CARF: variants seen among roughly 807,000 people sequenced by gnomAD.
CARF encodes calcium-responsive transcription factor.
In CARF, 57 loss-of-function variants were observed where a neutral mutation model predicts 82.0. That is an observed-to-expected ratio of 0.70 (90% CI 0.56 to 0.87). CARF has a LOEUF of 0.87. CARF is among the 40% of genes least tolerant of loss of function. The pLI is 0.00. For synonymous variants in CARF, 268 were observed against 290.1 expected, an observed-to-expected ratio of 0.92 and a Z score of 0.77; for missense variants, 771 against 855.8, an observed-to-expected ratio of 0.90 and a Z score of 1.24.
intron 3 of CARF, among the ~76,000 whole-genome samples, chr2:202,935,425 C>G (rs1296929881): frequency 2.7e-5 from 4 of 149,688 alleles, no homozygotes; most frequent in Middle Eastern, 3.5e-3. Flanking sequence ...TCAATTGTAC[C>G]CTTTTCTCTG....
intron 10 of CARF, among the ~76,000 whole-genome samples, chr2:202,968,777 G>A (rs2059657188): frequency 6.6e-6 from 1 of 152,178 alleles, no homozygotes; most frequent in Non-Finnish European, 1.5e-5. Flanking sequence ...CCCAGGGAAC[G>A]GATCAGGAAA....
intron 12 of CARF, among the ~76,000 whole-genome samples, chr2:202,973,868 G>A (rs912511875): frequency 1.3e-4 from 19 of 151,920 alleles, no homozygotes; most frequent in Non-Finnish European, 2.4e-4. Flanking sequence ...CGGGCGGATC[G>A]CGAGGTTAGG....
intron 15 of CARF, 38 bp from the exon 16 acceptor site, chr2:202,982,034 A>G: frequency 6.3e-7 from 1 of 1,593,074 alleles, no homozygotes; most frequent in Non-Finnish European, 8.5e-7. Flanking sequence ...ATACATAGGA[A>G]ATTCAAACAT....
chr2:202,913,728 A>T (rs1452078069), intron 1 of CARF, among the ~76,000 whole-genome samples: 1 of 152,240 alleles, frequency 6.6e-6, no homozygotes, highest in East Asian at 1.9e-4. Flanking sequence ...ACTTACTGGT[A>T]ATATGTCATT....
chr2:202,951,382 A>G (rs2058746611), intron 5 of CARF, among the ~76,000 whole-genome samples: 1 of 152,176 alleles, frequency 6.6e-6, no homozygotes, highest in Non-Finnish European at 1.5e-5. Flanking sequence ...AGCATCAGCA[A>G]TATTTTCATG....
intron 3 of CARF, among the ~76,000 whole-genome samples, chr2:202,935,143 TTATAA>T (rs895578149): frequency 2.8e-5 from 4 of 142,534 alleles, no homozygotes; most frequent in African/African-American, 1.0e-4. Context: ...TATAATATAA[TTATAA>T]TATATACTCC....
intron 9 of CARF, among the ~76,000 whole-genome samples, chr2:202,966,489 T>A (rs114123510): frequency 0.089 from 13,590 of 152,168 alleles, 744 homozygotes; most frequent in Non-Finnish European, 0.12. Context: ...AGGCAGGCGG[T>A]TCACTTGAGT....
intron 13 of CARF, among the ~76,000 whole-genome samples, chr2:202,975,011 C>G (rs914924347): frequency 1.3e-5 from 2 of 151,838 alleles, no homozygotes; most frequent in South Asian, 4.2e-4. Context: ...GAATTCCCAA[C>G]TCCATAATAA....
At chr2:202,918,416 G>T (rs1192000737) in intron 2 of CARF, among the ~76,000 whole-genome samples, 2 of 152,154 alleles carry the variant, frequency 1.3e-5, no homozygotes, top group Non-Finnish European at 2.9e-5. Context: ...AGCTACTCTG[G>T]AGGCTGAGGC....
chr2:202,942,914 G>A lies in CARF; in HGVS notation c.253G>A (p.Gly85Arg). Reference sequence around the variant, plus strand: ...GCAATTCCATCTAGTGGACCAAAATGGGCAGGCTATTCAATATGAACTTCA... The same window carrying A: ...GCAATTCCATCTAGTGGACCAAAATAGGCAGGCTATTCAATATGAACTTCA... ...AEQFHLVDQN[G>R]QAIQYELQSL... Residue 85 changes from glycine (G) to arginine (R), a missense_variant, in exon 5 of 17, where the codon GGG becomes AGG. By Grantham distance (125) the Gly-to-Arg change is moderately radical (BLOSUM62 -2). Coordinates refer to ENST00000438828, the MANE Select transcript of CARF (RefSeq NM_024744.17). The A allele has an allele frequency of 6.2e-7, 1 of 1,614,004 alleles. No individual in the cohort carries two copies. The highest frequency in any genetic ancestry group is 8.5e-7 in the Non-Finnish European group (1 of 1,179,998).
At chr2:202,921,673 A>T (rs1690820390) in intron 2 of CARF, among the ~76,000 whole-genome samples, 1 of 152,230 alleles carries the variant, frequency 6.6e-6, no homozygotes, top group South Asian at 2.1e-4. Context: ...ATATCTGCTT[A>T]TAAATATATA....
intron 11 of CARF, among the ~76,000 whole-genome samples, chr2:202,970,852 T>C (rs1213122242): frequency 6.6e-6 from 1 of 151,890 alleles, no homozygotes; most frequent in Non-Finnish European, 1.5e-5. Context: ...TCCTACCGTC[T>C]ACTTTTCTTT....
At chr2:202,930,157 C>T (rs1006311683) in intron 3 of CARF, among the ~76,000 whole-genome samples, 3 of 152,166 alleles carry the variant, frequency 2.0e-5, no homozygotes, top group African/African-American at 7.2e-5. Context: ...AAGCGATTCT[C>T]ATGCCTTAGC....
At chr2:202,919,273 C>A (rs1045555498) in intron 2 of CARF, among the ~76,000 whole-genome samples, 2 of 151,992 alleles carry the variant, frequency 1.3e-5, no homozygotes, top group African/African-American at 4.8e-5. Context: ...AAAGTTTTTT[C>A]TTTTTAAGAA....
chr2:202,986,699 A>T lies in CARF; in HGVS notation c.*3075A>T, dbSNP rs886308721. 6.6e-6 allele frequency: 1 copy of T among 151,522 alleles called. No homozygotes were observed. The highest frequency in any genetic ancestry group is 2.4e-5 in the African/African-American group (1 of 41,318). 9.4% of individuals were successfully genotyped at this position (151,522 alleles called of 1,614,324 possible). On this transcript the variant is annotated 3_prime_UTR_variant, in exon 17 of 17. Coordinates refer to ENST00000438828, the MANE Select transcript of CARF (RefSeq NM_024744.17). ...ATGTCACAAAAGTGATAGAAAACATAGCTTTTGGGATCTGGTCCTGCATTA... is the reference window on the plus strand; with the variant it reads ...ATGTCACAAAAGTGATAGAAAACATTGCTTTTGGGATCTGGTCCTGCATTA...
rs1443628440 is a variant in CARF, at chr2:202,986,171, G to T, written c.*2547G>T. On this transcript the variant is annotated 3_prime_UTR_variant, in exon 17 of 17. Coordinates refer to ENST00000438828, the MANE Select transcript of CARF (RefSeq NM_024744.17). ...TTTCAAGGAGTAGCTCTTTAAAAAT[G>T]GTTTCTAAATTAGATTTTAAAAATT... is the stretch of plus-strand genomic sequence containing the variant. 2 of 151,974 alleles carry T rather than the reference G, an allele frequency of 1.3e-5. No individual in the cohort carries two copies. Among genetic ancestry groups the T allele is most frequent in the Non-Finnish European group, 2.9e-5 (2 of 67,930 alleles). 9.4% of individuals were successfully genotyped at this position (151,974 alleles called of 1,614,324 possible). A position where few individuals can be genotyped will look rare whatever the true frequency, so the allele number is the denominator to read the frequency against.
intron 13 of CARF, among the ~76,000 whole-genome samples, chr2:202,977,053 T>C (rs1224307017): frequency 6.6e-6 from 1 of 152,220 alleles, no homozygotes; most frequent in Non-Finnish European, 1.5e-5. Context: ...GTCCTTGTCA[T>C]CTACACTGTT....
intron 10 of CARF, 90 bp downstream of exon 10, chr2:202,967,188 A>G (rs1243491195): frequency 1.2e-5 from 17 of 1,362,300 alleles, no homozygotes; most frequent in Non-Finnish European, 1.6e-5. Flanking sequence ...ATACAGTACC[A>G]AAAAGTATAC....
intron 12 of CARF, among the ~76,000 whole-genome samples, chr2:202,972,733 T>C (rs935094510): frequency 6.7e-6 from 1 of 149,122 alleles, no homozygotes; most frequent in African/African-American, 2.5e-5. Flanking sequence ...TAACGCTATA[T>C]AGCCTGTGCC....
Sources: gnomAD v4.1 joint callset for allele counts (sites outside exome capture counted in the v4.1 genomes callset) on GRCh38, gnomAD v4.1.1 for gene constraint, MANE v1.5 for transcripts, NCBI Gene and HGNC (gene_info 2026-07-23, HGNC 2026-07-21) for gene names.